EML6: variants seen among roughly 807,000 people sequenced by gnomAD.
EML6 encodes EMAP like 6, also known as echinoderm microtubule-associated protein-like 6.
Under a neutral mutation model 240.1 loss-of-function variants are expected in EML6, and 154 were observed. That is an observed-to-expected ratio of 0.64 (90% CI 0.56 to 0.73). The LOEUF (loss-of-function observed/expected upper bound fraction) is 0.73. EML6 is among the 30% of genes least tolerant of loss of function. The pLI, the probability that EML6 is intolerant of heterozygous loss-of-function variation, is 0.00. For synonymous variants in EML6, 1,148 were observed against 899.0 expected (o/e 1.28, Z -4.95); for missense variants, 2,964 against 2,474.6 (o/e 1.20, Z -4.20).
At chr2:54,809,179 A>C (rs573481289) in intron 2 of EML6, among the ~76,000 whole-genome samples, 54 of 152,354 alleles carry the variant, frequency 3.5e-4, no homozygotes, top group African/African-American at 1.3e-3. Flanking sequence ...TCGTAGCTAA[A>C]ATAACTTGCA....
intron 29 of EML6, among the ~76,000 whole-genome samples, chr2:54,949,755 T>G (rs988265026): frequency 6.6e-6 from 1 of 152,212 alleles, no homozygotes; most frequent in African/African-American, 2.4e-5. Flanking sequence ...CCTTCTAAGC[T>G]TACCGCCTAT....
intron 35 of EML6, 87 bp from the exon 36 acceptor site, chr2:54,962,436 T>A (rs1676561964): frequency 9.8e-7 from 1 of 1,025,208 alleles, no homozygotes; most frequent in Admixed American, 3.2e-5. Context: ...ACTTTCTGTC[T>A]CCATGAATTT....
rs1668750304 is a variant in EML6, at chr2:54,829,357, A to G, written c.727A>G (p.Met243Val). 1.3e-6 allele frequency: 2 copies of G among 1,551,646 alleles called. No individual in the cohort carries two copies. Among genetic ancestry groups the G allele is most frequent in the South Asian group, 1.2e-5 (1 of 84,064 alleles). ...QGAHSAGIFS[M>V]YACEEGFATG... ...TAATCAACAGGCTGGAATCTTTAGC[A>G]TGTATGCTTGTGAAGAAGGCTTTGC... Residue 243 changes from methionine to valine, a missense_variant, in exon 7 of 42, where the codon ATG becomes GTG. Transcript: ENST00000356458.
intron 28 of EML6, among the ~76,000 whole-genome samples, chr2:54,945,590 T>C (rs1675658042): frequency 6.6e-6 from 1 of 152,110 alleles, no homozygotes; most frequent in African/African-American, 2.4e-5. Flanking sequence ...GTTGTACTCA[T>C]CTTGGGTTGC....
Position 54,892,634 on chromosome 2 carries a change from T to A in EML6, c.2720T>A (p.Phe907Tyr), listed in dbSNP as rs200933456. ...GTGAAAGCTCATGATGGGCCTGTGTTTGCTATGTATGCACTGGATAAGGTA... is the reference window on the plus strand; with the variant it reads ...GTGAAAGCTCATGATGGGCCTGTGTATGCTATGTATGCACTGGATAAGGTA... ...KTVKAHDGPV[F>Y]AMYALDKGFV... is the part of the protein sequence containing the mutation. The change falls in exon 19 of 42, where the codon TTT becomes TAT. Residue 907 changes from phenylalanine to tyrosine, a missense_variant. Transcript: ENST00000356458. 2,925 of 1,551,626 alleles carry A rather than the reference T, an allele frequency of 1.9e-3. 16 individuals carry two copies. Among genetic ancestry groups the A allele is most frequent in the South Asian group, 3.7e-3 (310 of 84,058 alleles).
Position 54,778,891 on chromosome 2 carries a change from CA to C in EML6, c.198-34329del, listed in dbSNP as rs556068541. Reference sequence around the variant, plus strand: ...TGGGTGACAGAGCAAGACTCCATCTCAAAAAAAAAAAAGAAAGAAAGAAAAG... The same window carrying C: ...TGGGTGACAGAGCAAGACTCCATCTCAAAAAAAAAAAGAAAGAAAGAAAAG... On this transcript the variant is annotated intron_variant, in intron 2 of 41. Coordinates refer to ENST00000356458, the MANE Select transcript of EML6 (RefSeq NM_001039753.4). Among the ~76,000 whole-genome samples the C allele has an allele frequency of 2.7e-3, 267 of 99,420 alleles. 4 individuals are homozygous for C. The highest frequency in any genetic ancestry group is 0.011 in the Middle Eastern group (2 of 184). 65.2% of individuals were successfully genotyped at this position (99,420 alleles called of 152,430 possible).
intron 17 of EML6, 70 bp from the exon 18 acceptor site, chr2:54,890,984 G>A (rs931189687): frequency 2.7e-6 from 2 of 729,708 alleles, no homozygotes; most frequent in Admixed American, 2.5e-5. Context: ...TAGACCAAAT[G>A]CATGCTTTTA....
At position 54,892,659 on chromosome 2, in the gene EML6, A is replaced by G; in HGVS notation, c.2742+3A>G. On this transcript the variant is annotated splice_donor_region_variant and intron_variant, in intron 19 of 41. Coordinates refer to ENST00000356458, the MANE Select transcript of EML6 (RefSeq NM_001039753.4). ...TTGCTATGTATGCACTGGATAAGGT[A>G]TGGCCTGTGTATCAGCATTCATTTT... The G allele has an allele frequency of 3.2e-6, 5 of 1,548,780 alleles. No individual in the cohort carries two copies. The highest frequency in any genetic ancestry group is 4.4e-6 in the Non-Finnish European group (5 of 1,144,856).
At chr2:54,857,732 G>A (rs894778438) in intron 11 of EML6, among the ~76,000 whole-genome samples, 5 of 152,162 alleles carry the variant, frequency 3.3e-5, no homozygotes, top group African/African-American at 1.2e-4. Flanking sequence ...CAGCTGTTCA[G>A]ATATCTAGGG....
chr2:54,797,119 C>G (rs574009852), intron 2 of EML6, among the ~76,000 whole-genome samples: 8 of 130,548 alleles, frequency 6.1e-5, no homozygotes, highest in Non-Finnish European at 1.2e-4. Context: ...GAGCCGAGAT[C>G]GTGCCACTGC....
At chr2:54,953,899 AAAAG>A in intron 31 of EML6, 80 bp from the exon 32 acceptor site, 1 of 1,197,522 alleles carries the variant, frequency 8.4e-7, no homozygotes, top group Non-Finnish European at 1.1e-6. Flanking sequence ...AAAAAAAAAA[AAAAG>A]GCTTTTACAT....
intron 16 of EML6, among the ~76,000 whole-genome samples, chr2:54,877,273 T>C (rs62136947): frequency 0.047 from 7,197 of 152,200 alleles, 219 homozygotes; most frequent in Middle Eastern, 0.082. Flanking sequence ...TGTGGGCCAC[T>C]GCACCTGGCC....
At chr2:54,881,128 A>C (rs951842161) in intron 17 of EML6, 1 of 152,216 alleles carries the variant, frequency 6.6e-6, no homozygotes, top group Non-Finnish European at 1.5e-5. Flanking sequence ...AGAATTGCCC[A>C]GGAGAACATT....
rs1046093668 is a variant in EML6 at position 54,933,089 on chromosome 2, C to A, written c.4004+4338C>A. Among the ~76,000 whole-genome samples, 4 of 152,058 alleles carry A rather than the reference C, an allele frequency of 2.6e-5. 1 individual carries two copies. The highest frequency in any genetic ancestry group is 2.6e-4 in the Admixed American group (4 of 15,272). Reference sequence around the variant, plus strand: ...CTTCTTCCTCTGGGTTATTACAGTTCTTCAGGTAGAAAAATGGCTGCAGAA... The same window carrying A: ...CTTCTTCCTCTGGGTTATTACAGTTATTCAGGTAGAAAAATGGCTGCAGAA... On this transcript the variant is annotated intron_variant, in intron 28 of 41. Transcript: ENST00000356458.
chr2:54,964,488 GGCCTGTCACAGACCA>G (rs1676662629), intron 37 of EML6, 68 bp from the exon 38 acceptor site: 1 of 1,326,204 alleles, frequency 7.5e-7, no homozygotes, highest in African/African-American at 1.5e-5. Context: ...AGGCCTGGAA[GGCCTGTCACAGACCA>G]GCCTTCGTGC....
At chr2:54,929,645 C>G (rs139539128) in intron 28 of EML6, among the ~76,000 whole-genome samples, 1 of 151,956 alleles carries the variant, frequency 6.6e-6, no homozygotes, top group African/African-American at 2.4e-5. Context: ...TAAGTCTGAC[C>G]TATCACTTCT....
At position 54,813,452 on chromosome 2, in the gene EML6, A is replaced by G. The variant is rs79552748; in HGVS notation, c.357+61A>G. The G allele has an allele frequency of 3.8e-3, 5,092 of 1,344,958 alleles. 158 individuals carry two copies. In the African/African-American group the frequency reaches 0.062, roughly 16 times the overall value. 83.3% of individuals were successfully genotyped at this position (1,344,958 alleles called of 1,614,324 possible). ...TTCTCACAACTCACTTAAAACTATA[A>G]TAGGAATAGCCAGTAGATTCAAAGT... On this transcript the variant is annotated intron_variant, in intron 3 of 41. Coordinates refer to ENST00000356458, the MANE Select transcript of EML6 (RefSeq NM_001039753.4).
intron 2 of EML6, among the ~76,000 whole-genome samples, chr2:54,812,174 T>G (rs1378630310): frequency 6.6e-6 from 1 of 152,092 alleles, no homozygotes; most frequent in Non-Finnish European, 1.5e-5. Flanking sequence ...TCATCTATTT[T>G]CTGTATTATC....
At chr2:54,776,791 G>C (rs1285487492) in intron 2 of EML6, among the ~76,000 whole-genome samples, 1 of 151,722 alleles carries the variant, frequency 6.6e-6, no homozygotes, top group Non-Finnish European at 1.5e-5. Context: ...CATATATTCA[G>C]TTTGAAAGCT....
Sources: gnomAD v4.1 joint callset for allele counts (sites outside exome capture counted in the v4.1 genomes callset) on GRCh38, gnomAD v4.1.1 for gene constraint, MANE v1.5 for transcripts, NCBI Gene and HGNC (gene_info 2026-07-23, HGNC 2026-07-21) for gene names.